Variants in DNAI2 observed in about 807,000 individuals in gnomAD.
The protein encoded by DNAI2 is dynein, axonemal, intermediate polypeptide 2.
Under a neutral mutation model 74.7 loss-of-function variants are expected in DNAI2, and 63 were observed. The ratio of observed to expected loss-of-function variants is 0.84; its 90% CI spans 0.69 to 1.04. The LOEUF is 1.04. Ranked by LOEUF, DNAI2 falls within the 50% of genes least tolerant of loss-of-function variation. The pLI is 0.00. For missense variants in DNAI2, 688 were observed against 803.2 expected, an observed-to-expected ratio of 0.86 and a Z score of 1.73; for synonymous variants, 289 against 314.9, an observed-to-expected ratio of 0.92 and a Z score of 0.87.
rs112052702 is a variant in DNAI2 at position 74,309,054 on chromosome 17, G to C, written c.1212-199G>C. Among the ~76,000 whole-genome samples, 9,222 of 141,836 alleles carry C rather than the reference G, an allele frequency of 0.065. 666 individuals are homozygous for C. Among genetic ancestry groups the C allele is most frequent in the African/African-American group, 0.18 (6,697 of 37,698 alleles). The allele number at this position is 141,836 out of a possible 152,430, so 93.0% of individuals were successfully genotyped here. The stretch of plus-strand genomic sequence containing the variant: ...CTCCAGCCTGGGCAACAGAGCAAGA[G>C]TGTCTCAAAAAAAAAAAAAAAAAAA... On this transcript the variant is annotated intron_variant, in intron 9 of 13. Coordinates refer to ENST00000311014, the MANE Select transcript of DNAI2 (RefSeq NM_023036.6).
intron 1 of DNAI2, among the ~76,000 whole-genome samples, chr17:74,274,559 G>T (rs747311219): frequency 5.9e-5 from 9 of 152,068 alleles, no homozygotes; most frequent in Non-Finnish European, 1.2e-4. Context: ...GCCCCAAGTC[G>T]CAGGACCCTG....
At chr17:74,311,752 C>T (rs1003664759) in intron 11 of DNAI2, among the ~76,000 whole-genome samples, 8 of 152,192 alleles carry the variant, frequency 5.3e-5, no homozygotes, top group African/African-American at 1.4e-4. Context: ...CTCCAAAGGG[C>T]GCTCTTCTGC....
chr17:74,290,297 C>A (rs1366231983), intron 5 of DNAI2, among the ~76,000 whole-genome samples: 1 of 152,186 alleles, frequency 6.6e-6, no homozygotes, highest in African/African-American at 2.4e-5. Context: ...TCCTGGGCAA[C>A]AGAGTGAGAC....
intron 12 of DNAI2, 113 bp from the exon 13 acceptor site, chr17:74,314,008 C>G: frequency 6.3e-7 from 1 of 1,581,926 alleles, no homozygotes; most frequent in Non-Finnish European, 8.6e-7. Flanking sequence ...TGCTCAGCGA[C>G]CCAGGCTTCA....
chr17:74,278,395 A>G (rs1326869232), intron 1 of DNAI2, among the ~76,000 whole-genome samples: 2 of 152,228 alleles, frequency 1.3e-5, no homozygotes, highest in East Asian at 3.9e-4. Context: ...ATGCCACTGC[A>G]CTCCAGCCTG....
At chr17:74,306,763 G>A (rs1396930233) in intron 9 of DNAI2, among the ~76,000 whole-genome samples, 4 of 152,180 alleles carry the variant, frequency 2.6e-5, no homozygotes, top group African/African-American at 9.6e-5. Context: ...GATTACAGGC[G>A]CACGCCAGCA....
At chr17:74,285,275 G>T in intron 3 of DNAI2, 74 bp downstream of exon 3, 1 of 1,557,266 alleles carries the variant, frequency 6.4e-7, no homozygotes, top group South Asian at 1.2e-5. Flanking sequence ...CACTGCCCCA[G>T]CTGTGCCTGG....
Position 74,309,290 on chromosome 17 carries a change from C to T in DNAI2, c.1249C>T (p.Pro417Ser). The T allele has an allele frequency of 1.9e-6, 3 of 1,614,096 alleles. No homozygotes were observed. Among genetic ancestry groups the T allele is most frequent in the Non-Finnish European group, 2.5e-6 (3 of 1,180,030 alleles). The part of the protein sequence containing the change: ...MAYLTDAAWS[P>S]VRPTVFFTTR... ...TTACCTCACTGATGCTGCCTGGAGC[C>T]CCGTGAGGCCGACCGTTTTCTTTAC... Residue 417 changes from proline to serine, a missense_variant, in exon 10 of 14, where the codon CCC becomes TCC. Physicochemically the swap from Pro to Ser is moderately conservative, Grantham distance 74. Transcript: ENST00000311014.
Position 74,314,210 on chromosome 17 carries a change from AG to A in DNAI2, c.1813del (p.Ala605ProfsTer46). ...EGDEEVEEDL[A>X] ...GGGATGAAGAAGTGGAAGAAGACTT[AG>A]CCTAGAAGTCAGCCTTCGACTGCGG... On this transcript the variant is annotated frameshift_variant, in exon 13 of 14. Coordinates refer to ENST00000311014, the MANE Select transcript of DNAI2 (RefSeq NM_023036.6). LOFTEE classifies it high-confidence loss of function. 6.2e-7 allele frequency: 1 copy of A among 1,614,164 alleles called. No individual in the cohort carries two copies. The highest frequency in any genetic ancestry group is 8.5e-7 in the Non-Finnish European group (1 of 1,179,970).
At chr17:74,290,572 G>A (rs1870990) in intron 5 of DNAI2, among the ~76,000 whole-genome samples, 48,660 of 152,080 alleles carry the variant, frequency 0.32, 8,845 homozygotes, top group Non-Finnish European at 0.43. Context: ...ACATGTAGGT[G>A]CCAGGCAGAG....
At chr17:74,309,975 C>T in intron 10 of DNAI2, 42 bp from the exon 11 acceptor site, 1 of 1,496,898 alleles carries the variant, frequency 6.7e-7, no homozygotes, top group Non-Finnish European at 9.0e-7. Flanking sequence ...CATAACTTTG[C>T]TCCTCTCTCC....
intron 1 of DNAI2, among the ~76,000 whole-genome samples, chr17:74,278,051 CT>C (rs1246692240): frequency 6.6e-6 from 1 of 152,216 alleles, no homozygotes; most frequent in Non-Finnish European, 1.5e-5. Context: ...ACAATCACTG[CT>C]TTAGAGCCAG....
chr17:74,310,302 G>C, intron 11 of DNAI2, 139 bp downstream of exon 11: 1 of 1,305,654 alleles, frequency 7.7e-7, no homozygotes, highest in Non-Finnish European at 1.1e-6. Context: ...GAAGCAGTGT[G>C]GGCTCCATAA....
At chr17:74,274,868 C>T (rs1361598852) in intron 1 of DNAI2, among the ~76,000 whole-genome samples, 1 of 152,154 alleles carries the variant, frequency 6.6e-6, no homozygotes, top group Non-Finnish European at 1.5e-5. Flanking sequence ...TGATCGAGGT[C>T]ATACAGTTGG....
chr17:74,314,395 T>A, intron 13 of DNAI2, 124 bp downstream of exon 13: 1 of 1,288,928 alleles, frequency 7.8e-7, no homozygotes, highest in Non-Finnish European at 1.1e-6. Context: ...ACTGACTCAC[T>A]GGGCACTGAG....
At chr17:74,295,624 G>A (rs1422430218) in intron 6 of DNAI2, among the ~76,000 whole-genome samples, 1 of 148,770 alleles carries the variant, frequency 6.7e-6, no homozygotes, top group Non-Finnish European at 1.5e-5. Context: ...CCATACATTT[G>A]TATTTCTTGG....
At chr17:74,304,482 C>A (rs767895543) in intron 8 of DNAI2, among the ~76,000 whole-genome samples, 2 of 152,046 alleles carry the variant, frequency 1.3e-5, no homozygotes, top group African/African-American at 4.8e-5. Flanking sequence ...GAAGTTAAGA[C>A]AGAACAGTAA....
intron 6 of DNAI2, among the ~76,000 whole-genome samples, chr17:74,293,123 G>A (rs573675457): frequency 4.6e-5 from 7 of 152,268 alleles, no homozygotes; most frequent in East Asian, 1.9e-4. Context: ...GTGAGCCACC[G>A]CACCTGGCCT....
intron 12 of DNAI2, 138 bp from the exon 13 acceptor site, chr17:74,313,983 A>C: frequency 1.4e-6 from 2 of 1,403,554 alleles, no homozygotes. Context: ...CAGAGCTGGC[A>C]CCCGGGTTCC....
Sources: gnomAD v4.1 joint callset for allele counts (sites outside exome capture counted in the v4.1 genomes callset) on GRCh38, gnomAD v4.1.1 for gene constraint, MANE v1.5 for transcripts, NCBI Gene and HGNC (gene_info 2026-07-23, HGNC 2026-07-21) for gene names.